The following MMUT variants were observed in gnomAD, a reference collection of about 807,000 sequenced individuals.
The protein encoded by MMUT is methylmalonyl-CoA mutase, mitochondrial.
MMUT carries 79 observed loss-of-function variants against 79.9 expected under a neutral mutation model. That is an observed-to-expected ratio of 0.99 (90% CI 0.82 to 1.19). The LOEUF is 1.19. MMUT is among the 50% of genes most tolerant of loss of function. The pLI, the probability that MMUT is intolerant of heterozygous loss-of-function variation, is 0.00. For missense variants in MMUT, 860 were observed against 917.2 expected (o/e 0.94, Z 0.81); for synonymous variants, 273 against 295.7 (o/e 0.92, Z 0.79).
At chr6:49,438,952 C>T (rs962348910) in intron 11 of MMUT, among the ~76,000 whole-genome samples, 1 of 152,052 alleles carries the variant, frequency 6.6e-6, no homozygotes, top group African/African-American at 2.4e-5. Flanking sequence ...CTGCAGAAGA[C>T]CTATTGTGGG....
intron 4 of MMUT, among the ~76,000 whole-genome samples, chr6:49,454,171 A>G (rs1219282646): frequency 2.0e-5 from 3 of 152,204 alleles, no homozygotes; most frequent in African/African-American, 7.2e-5. Flanking sequence ...ATGATTGTGC[A>G]TTGGTCTAGG....
At chr6:49,459,003 A>C in intron 2 of MMUT, 79 bp downstream of exon 2, 3 of 1,381,088 alleles carry the variant, frequency 2.2e-6, no homozygotes, top group Non-Finnish European at 3.0e-6. Context: ...TCATCTTTAC[A>C]GAGATTAACC....
chr6:49,439,773 G>A (rs760219234), intron 11 of MMUT, among the ~76,000 whole-genome samples: 3 of 152,172 alleles, frequency 2.0e-5, no homozygotes, highest in Non-Finnish European at 4.4e-5. Context: ...GAAGGTCCCT[G>A]AATTTTAGTC....
At chr6:49,454,195 A>T (rs900846295) in intron 4 of MMUT, among the ~76,000 whole-genome samples, 2 of 152,190 alleles carry the variant, frequency 1.3e-5, no homozygotes, top group African/African-American at 4.8e-5. Flanking sequence ...ATACTTCTCC[A>T]ATTTGTGCCC....
At chr6:49,432,410 T>C (rs1208036095) in intron 12 of MMUT, among the ~76,000 whole-genome samples, 1 of 152,050 alleles carries the variant, frequency 6.6e-6, no homozygotes, top group African/African-American at 2.4e-5. Flanking sequence ...ATTTTTGAGA[T>C]GGAGTCTCGC....
Position 49,435,572 on chromosome 6 carries a change from C to G in MMUT, c.2008G>C (p.Gly670Arg). 1 of 1,613,994 alleles carries G rather than the reference C, an allele frequency of 6.2e-7. No homozygotes were observed. The highest frequency in any genetic ancestry group is 8.5e-7 in the Non-Finnish European group (1 of 1,179,980). The change falls in exon 12 of 13, where the codon GGC becomes CGC. Residue 670 changes from glycine to arginine, a missense_variant. Physicochemically the swap from Gly to Arg is moderately radical, Grantham distance 125. Coordinates refer to ENST00000274813, the MANE Select transcript of MMUT (RefSeq NM_000255.4). ...QAVDADVHAV[G>R]ISTLAAGHKT... is the part of the protein sequence containing the mutation. ...TGACCAGCAGCGAGGGTGCTTATGC[C>G]CACAGCATGCACATCCGCATCCACA...
intron 5 of MMUT, among the ~76,000 whole-genome samples, chr6:49,452,798 C>T (rs748135621): frequency 7.2e-5 from 11 of 151,914 alleles, no homozygotes; most frequent in Non-Finnish European, 1.5e-4. Flanking sequence ...AAAACAAGGC[C>T]ATAACTATAC....
At chr6:49,438,402 T>C (rs775369879) in intron 11 of MMUT, among the ~76,000 whole-genome samples, 1 of 152,150 alleles carries the variant, frequency 6.6e-6, no homozygotes, top group Non-Finnish European at 1.5e-5. Context: ...TGCTATTTGA[T>C]TTCTTTTTCA....
At chr6:49,446,010 T>G (rs564186274) in intron 8 of MMUT, among the ~76,000 whole-genome samples, 1 of 152,134 alleles carries the variant, frequency 6.6e-6, no homozygotes, top group African/African-American at 2.4e-5. Flanking sequence ...GTAAGCTTCT[T>G]AGATAAGGTG....
intron 10 of MMUT, among the ~76,000 whole-genome samples, chr6:49,440,874 T>C (rs1369570534): frequency 2.0e-5 from 3 of 152,170 alleles, no homozygotes; most frequent in African/African-American, 7.2e-5. Context: ...TCATGGTCAT[T>C]TATACATATA....
chr6:49,453,770 G>T lies in MMUT; in HGVS notation c.912-14C>A. The T allele has an allele frequency of 6.3e-7, 1 of 1,598,632 alleles. No individual in the cohort carries two copies. ...AAGAAAGACAACCTAAAATAGTAAC[G>T]TTAGGTCCAGAATTTAATTAAAGTT... On this transcript the variant is annotated splice_polypyrimidine_tract_variant and intron_variant, in intron 4 of 12. Coordinates refer to ENST00000274813, the MANE Select transcript of MMUT (RefSeq NM_000255.4).
At chr6:49,454,504 C>T (rs553909924) in intron 4 of MMUT, among the ~76,000 whole-genome samples, 2 of 152,284 alleles carry the variant, frequency 1.3e-5, no homozygotes, top group South Asian at 2.1e-4. Flanking sequence ...GACTGGGTTT[C>T]GCCATGTTGG....
chr6:49,444,309 T>A lies in MMUT; in HGVS notation c.1676+330A>T, dbSNP rs140236575. ...CCCACCCCACAGCCATTTTAACTGG[T>A]AAAATACCAAGGTAATAGGCATAAA... On this transcript the variant is annotated intron_variant, in intron 9 of 12. Transcript: ENST00000274813. 1.8e-3 allele frequency among the ~76,000 whole-genome samples: 280 copies of A among 152,112 alleles called. 8 individuals carry two copies. The highest frequency in any genetic ancestry group is 0.017 in the Admixed American group (266 of 15,256).
chr6:49,444,824 C>A (rs1767372394), intron 8 of MMUT, 70 bp from the exon 9 acceptor site: 7 of 1,217,008 alleles, frequency 5.8e-6, no homozygotes, highest in Non-Finnish European at 8.5e-6. Context: ...AGAGATTAGA[C>A]CCTGATGCAT....
In MMUT at chr6:49,461,747, C is replaced by T. The variant is rs576373710; in HGVS notation, c.-40+1356G>A. 1.3e-3 allele frequency among the ~76,000 whole-genome samples: 203 copies of T among 152,246 alleles called. 2 individuals are homozygous for T. The highest frequency in any genetic ancestry group is 4.7e-3 in the African/African-American group (197 of 41,558). On this transcript the variant is annotated intron_variant, in intron 1 of 12. Coordinates refer to ENST00000274813, the MANE Select transcript of MMUT (RefSeq NM_000255.4). ...TCGTGCCACTGCACTCCAACCTGGG[C>T]AACAGAGAGAGACCCCGTCTCAAAA... is the stretch of plus-strand genomic sequence containing the variant.
intron 10 of MMUT, among the ~76,000 whole-genome samples, chr6:49,441,342 A>C (rs1225449916): frequency 6.6e-6 from 1 of 152,076 alleles, no homozygotes; most frequent in Non-Finnish European, 1.5e-5. Context: ...TTAAGATTTT[A>C]TAATTATTCA....
At position 49,431,744 on chromosome 6, in the gene MMUT, T is replaced by G. The variant is rs1166443856; in HGVS notation, c.2237A>C (p.Lys746Thr). ...LDDIEKCLEK[K>T]QQSV ...AAGAGGATATTATACAGATTGCTGC[T>G]TCTTTTCCAAACACTTCTCAATATC... is the stretch of plus-strand genomic sequence containing the variant. Residue 746 changes from lysine (K) to threonine (T), a missense_variant, in exon 13 of 13, where the codon AAG (lysine) becomes ACG (threonine). Physicochemically the swap from Lys to Thr is moderately conservative, Grantham distance 78. Coordinates refer to ENST00000274813, the MANE Select transcript of MMUT (RefSeq NM_000255.4). 6.2e-7 allele frequency: 1 copy of G among 1,613,956 alleles called. No individual in the cohort carries two copies. Among genetic ancestry groups the G allele is most frequent in the Admixed American group, 1.7e-5 (1 of 60,028 alleles).
In MMUT at chr6:49,444,501, T is replaced by C. The variant is rs891352074; in HGVS notation, c.1676+138A>G. 216 of 723,210 alleles carry C rather than the reference T, an allele frequency of 3.0e-4. 3 individuals carry two copies. The highest frequency in any genetic ancestry group is 8.3e-5 in the Non-Finnish European group (34 of 410,544). The allele number at this position is 723,210 out of a possible 1,614,324, so 44.8% of individuals were successfully genotyped here. A position where few individuals can be genotyped will look rare whatever the true frequency, so the allele number is the denominator to read the frequency against. On this transcript the variant is annotated intron_variant, in intron 9 of 12. Coordinates refer to ENST00000274813, the MANE Select transcript of MMUT (RefSeq NM_000255.4). Reference sequence around the variant, plus strand: ...TACAGAAATTTTAAAATGATAAGAATTAAATTTACGATGGATGCCATTATT... The same window carrying C: ...TACAGAAATTTTAAAATGATAAGAACTAAATTTACGATGGATGCCATTATT...
At position 49,459,792 on chromosome 6, in the gene MMUT, T is replaced by A. The variant is rs111406809; in HGVS notation, c.-39-287A>T. ...TACGAATCCCTTCCATACAATGACA[T>A]CAATGTAAATATGACTATGTCACAC... On this transcript the variant is annotated intron_variant, in intron 1 of 12. Transcript: ENST00000274813. 2.8e-3 allele frequency among the ~76,000 whole-genome samples: 424 copies of A among 152,304 alleles called. 2 individuals carry two copies. Among genetic ancestry groups the A allele is most frequent in the African/African-American group, 9.8e-3 (408 of 41,574 alleles).
Sources: allele counts gnomAD v4.1 joint callset (sites outside exome capture counted in the v4.1 genomes callset), GRCh38; gene constraint gnomAD v4.1.1; transcripts MANE v1.5; gene names NCBI Gene and HGNC (gene_info 2026-07-23, HGNC 2026-07-21).